The following B4GALT5 variants were observed in gnomAD, a reference collection of about 807,000 sequenced individuals.
The protein encoded by B4GALT5 is beta-1,4-galactosyltransferase 5.
In B4GALT5, 11 loss-of-function variants were observed where a neutral mutation model predicts 45.0. The ratio of observed to expected loss-of-function variants is 0.24; its 90% CI spans 0.15 to 0.40. The LOEUF (loss-of-function observed/expected upper bound fraction) is 0.40, where lower values mean the gene tolerates loss of function less well. Ranked by LOEUF, B4GALT5 falls within the 10% of genes least tolerant of loss-of-function variation. B4GALT5 has a pLI of 1.00. For missense variants in B4GALT5, 337 were observed against 500.2 expected, an observed-to-expected ratio of 0.67 and a Z score of 3.11; for synonymous variants, 185 against 182.9, an observed-to-expected ratio of 1.01 and a Z score of -0.09.
chr20:49,637,503 A>G, intron 7 of B4GALT5, 61 bp from the exon 8 acceptor site: 1 of 1,237,364 alleles, frequency 8.1e-7, no homozygotes, highest in East Asian at 2.3e-5. Context: ...GAGTGACCAA[A>G]GCCTACAAGA....
At chr20:49,690,996 T>C (rs2085808266) in intron 1 of B4GALT5, among the ~76,000 whole-genome samples, 1 of 152,222 alleles carries the variant, frequency 6.6e-6, no homozygotes, top group South Asian at 2.1e-4. Flanking sequence ...AGACAGATAA[T>C]TTAACGTAAA....
intron 1 of B4GALT5, among the ~76,000 whole-genome samples, chr20:49,685,647 T>C (rs2085782054): frequency 6.6e-6 from 1 of 152,134 alleles, no homozygotes; most frequent in Non-Finnish European, 1.5e-5. Flanking sequence ...AATGTGAAAA[T>C]ATTATTTTAA....
chr20:49,641,105 A>T (rs2085575410), intron 5 of B4GALT5, among the ~76,000 whole-genome samples: 1 of 150,950 alleles, frequency 6.6e-6, no homozygotes, highest in Non-Finnish European at 1.5e-5. Context: ...ACAGAGCAAG[A>T]CTCCATCTCC....
At chr20:49,661,602 GT>G (rs1232911996) in intron 1 of B4GALT5, among the ~76,000 whole-genome samples, 2 of 152,106 alleles carry the variant, frequency 1.3e-5, no homozygotes, top group East Asian at 3.8e-4. Flanking sequence ...CTGAATCACA[GT>G]TAAAAAAAAC....
chr20:49,636,267 G>T lies in B4GALT5; in HGVS notation c.*45C>A. On this transcript the variant is annotated 3_prime_UTR_variant, in exon 9 of 9. Coordinates refer to ENST00000371711, the MANE Select transcript of B4GALT5 (RefSeq NM_004776.4). The stretch of plus-strand genomic sequence containing the variant: ...CTCCAAAAAAAAATCTCATCGGACT[G>T]CTTTCTTGGTGGCGGTGGGTAAAGC... 1 of 1,607,546 alleles carries T rather than the reference G, an allele frequency of 6.2e-7. No individual in the cohort carries two copies. The highest frequency in any genetic ancestry group is 1.3e-5 in the African/African-American group (1 of 74,758).
intron 1 of B4GALT5, among the ~76,000 whole-genome samples, chr20:49,661,331 T>C (rs2085664023): frequency 6.6e-6 from 1 of 152,058 alleles, no homozygotes; most frequent in African/African-American, 2.4e-5. Flanking sequence ...ATTTCCCAGG[T>C]TCAAGCGATT....
In B4GALT5 at chr20:49,639,118, A is replaced by G. The variant is rs777610822; in HGVS notation, c.917+560T>C. On this transcript the variant is annotated intron_variant, in intron 7 of 8. Transcript: ENST00000371711. ...ACTTTTTAAACACAAAATAAACTCAATGAAATGGTAACATGTTACTTATTG... is the reference window on the plus strand; with the variant it reads ...ACTTTTTAAACACAAAATAAACTCAGTGAAATGGTAACATGTTACTTATTG... Among the ~76,000 whole-genome samples the G allele has an allele frequency of 5.9e-5, 9 of 152,336 alleles. No individual in the cohort carries two copies. In the South Asian group the frequency reaches 1.0e-3, roughly 18 times the overall value.
At chr20:49,671,851 T>A (rs886625284) in intron 1 of B4GALT5, among the ~76,000 whole-genome samples, 1 of 6,960 alleles carries the variant, frequency 1.4e-4, no homozygotes, top group African/African-American at 4.6e-4. Context: ...TTTCTTTTCA[T>A]TTTTTTTTAA....
rs1428163428 is a variant in B4GALT5 at position 49,639,689 on chromosome 20, G to T, written c.906C>A (p.Asp302Glu). Residue 302 changes from aspartate to glutamate, a missense_variant, in exon 7 of 9, where the codon GAC becomes GAA. By Grantham distance (45) the Asp-to-Glu change is conservative (BLOSUM62 2). This residue lies in a region of B4GALT5 where 163 missense variants were observed against 292.8 expected (regional missense o/e 0.56). Transcript: ENST00000371711. ...AFWGWGGEDD[D>E]LWNRVQNAGY... is the part of the protein sequence containing the mutation. ...AACGGCAGAGGTACCTGTTCCAGAG[G>T]TCGTCATCTTCTCCACCCCAACCCC... The T allele has an allele frequency of 6.2e-7, 1 of 1,613,540 alleles. No homozygotes were observed. Among genetic ancestry groups the T allele is most frequent in the Non-Finnish European group, 8.5e-7 (1 of 1,179,588 alleles).
intron 1 of B4GALT5, among the ~76,000 whole-genome samples, chr20:49,690,568 G>GT (rs1296063799): frequency 7.9e-5 from 12 of 151,268 alleles, no homozygotes; most frequent in Non-Finnish European, 1.8e-4. Flanking sequence ...AAAGGGGGGG[G>GT]TGACAATTAT....
chr20:49,651,952 A>G (rs892068133), intron 2 of B4GALT5, among the ~76,000 whole-genome samples: 2 of 146,996 alleles, frequency 1.4e-5, no homozygotes, highest in African/African-American at 5.1e-5. Flanking sequence ...GGTGGCACCC[A>G]CCTGGTGTCC....
chr20:49,699,970 C>G (rs1352640807), intron 1 of B4GALT5, among the ~76,000 whole-genome samples: 1 of 152,174 alleles, frequency 6.6e-6, no homozygotes, highest in Non-Finnish European at 1.5e-5. Flanking sequence ...ATTCACTGAG[C>G]TAGATGAATG....
intron 5 of B4GALT5, among the ~76,000 whole-genome samples, chr20:49,641,500 A>G (rs2085576833): frequency 6.6e-6 from 1 of 152,240 alleles, no homozygotes; most frequent in Admixed American, 6.5e-5. Context: ...TTAACAGCCT[A>G]ATTAGTGTTA....
chr20:49,651,123 A>T (rs2085620798), intron 2 of B4GALT5, among the ~76,000 whole-genome samples: 1 of 152,160 alleles, frequency 6.6e-6, no homozygotes, highest in East Asian at 1.9e-4. Context: ...GTCTCTTACT[A>T]AAAATACAAA....
In B4GALT5 at chr20:49,636,198, T is replaced by G; in HGVS notation, c.*114A>C. ...TCCCCCTGAACTCTGTGATCCTTCA[T>G]GAGACACAGTATTTCTGTTCTCTTG... is the stretch of plus-strand genomic sequence containing the variant. On this transcript the variant is annotated 3_prime_UTR_variant, in exon 9 of 9. Transcript: ENST00000371711. The G allele has an allele frequency of 7.5e-6, 10 of 1,340,558 alleles. No homozygotes were observed. The highest frequency in any genetic ancestry group is 1.3e-5 in the South Asian group (1 of 74,548). 83.0% of individuals were successfully genotyped at this position (1,340,558 alleles called of 1,614,324 possible).
At chr20:49,637,927 CA>C (rs916422795) in intron 7 of B4GALT5, among the ~76,000 whole-genome samples, 73 of 151,470 alleles carry the variant, frequency 4.8e-4, no homozygotes, top group Non-Finnish European at 7.7e-4. Context: ...AAATCTGTCT[CA>C]AAAAAGAAAA....
chr20:49,681,389 A>T (rs1167420436), intron 1 of B4GALT5, among the ~76,000 whole-genome samples: 1 of 151,822 alleles, frequency 6.6e-6, no homozygotes, highest in African/African-American at 2.4e-5. Context: ...AAACAGCCCC[A>T]AACTAATTTC....
At chr20:49,692,033 C>T (rs957768050) in intron 1 of B4GALT5, among the ~76,000 whole-genome samples, 1 of 152,172 alleles carries the variant, frequency 6.6e-6, no homozygotes, top group African/African-American at 2.4e-5. Context: ...GGCAACAACA[C>T]ACCTTGGCAT....
At chr20:49,642,084 GTTGA>G (rs751678857) in intron 5 of B4GALT5, among the ~76,000 whole-genome samples, 1 of 152,142 alleles carries the variant, frequency 6.6e-6, no homozygotes, top group East Asian at 1.9e-4. Flanking sequence ...AGGCCACTTG[GTTGA>G]TTAACAGCAG....
Sources: gnomAD v4.1 joint callset for allele counts (sites outside exome capture counted in the v4.1 genomes callset) on GRCh38, gnomAD v4.1.1 for gene constraint, gnomAD v4.1.1 regional missense constraint, MANE v1.5 for transcripts, NCBI Gene and HGNC (gene_info 2026-07-23, HGNC 2026-07-21) for gene names.